The following FBLN1 variants were observed in gnomAD, a reference collection of about 807,000 sequenced individuals.
FBLN1 encodes the protein fibulin 1.
A neutral mutation model predicts 89.7 loss-of-function variants in FBLN1; 34 were observed. The observed-to-expected ratio is 0.38, with a 90% CI of 0.29 to 0.50. FBLN1 has a LOEUF of 0.50. Among genes scored for constraint, FBLN1 ranks in the 20% least tolerant of loss-of-function variants. FBLN1 has a pLI of 0.92. For missense variants in FBLN1, 777 were observed against 988.1 expected (o/e 0.79, Z 2.86); for synonymous variants, 393 against 391.3 (o/e 1.00, Z -0.05).
rs1601542294 is a variant in FBLN1, at chr22:45,588,814, A to C, written c.1973-11493A>C. Among the ~76,000 whole-genome samples the C allele has an allele frequency of 1.3e-4, 2 of 15,792 alleles. No homozygotes were observed. Among genetic ancestry groups the C allele is most frequent in the Admixed American group, 1.0e-3 (1 of 974 alleles). The allele number at this position is 15,792 out of a possible 152,430, so 10.4% of individuals were successfully genotyped here. A position where few individuals can be genotyped will look rare whatever the true frequency, so the allele number is the denominator to read the frequency against. On this transcript the variant is annotated intron_variant, in intron 16 of 16. Transcript: ENST00000327858. The surrounding 1 kb of genome is among the most constrained non-coding windows in gnomAD (Gnocchi z 5.1). Reference sequence around the variant, plus strand: ...TAGAGGCATGTTGTGCAAAATTAGCAAAAAAAAAAAAAAAGGAATGACGAT... The same window carrying C: ...TAGAGGCATGTTGTGCAAAATTAGCCAAAAAAAAAAAAAAGGAATGACGAT...
Position 45,522,776 on chromosome 22 carries a change from A to G in FBLN1, c.186-2767A>G, listed in dbSNP as rs548029822. Among the ~76,000 whole-genome samples the G allele has an allele frequency of 5.6e-4, 85 of 152,346 alleles. No homozygotes were observed. The South Asian group carries it at 0.016, about 29-fold the overall frequency. ...ATGTCCTTCAGCGTCTTTTGGAGGAATCTGGACACATCCAGTGAAACCTAA... is the reference window on the plus strand; with the variant it reads ...ATGTCCTTCAGCGTCTTTTGGAGGAGTCTGGACACATCCAGTGAAACCTAA... On this transcript the variant is annotated intron_variant, in intron 2 of 16. Transcript: ENST00000327858.
chr22:45,517,208 C>A (rs191986800), intron 1 of FBLN1: 2 of 250,086 alleles, frequency 8.0e-6, no homozygotes, highest in Non-Finnish European at 1.6e-5. Flanking sequence ...GGGATTTACC[C>A]TCTAGGGGCT....
At chr22:45,569,540 G>A (rs2088932814) in intron 14 of FBLN1, among the ~76,000 whole-genome samples, 1 of 152,162 alleles carries the variant, frequency 6.6e-6, no homozygotes, top group African/African-American at 2.4e-5. Flanking sequence ...TTGGGAGGCT[G>A]AGGCAGGAGA....
chr22:45,556,857 G>A lies in FBLN1; in HGVS notation c.1697+6242G>A, dbSNP rs1344079016. Among the ~76,000 whole-genome samples the A allele has an allele frequency of 6.6e-6, 1 of 152,148 alleles. No individual in the cohort carries two copies. Among genetic ancestry groups the A allele is most frequent in the Non-Finnish European group, 1.5e-5 (1 of 68,018 alleles). ...GCAGAACGTAATGTTGCAGGAACAG[G>A]AAGCAAAAATTTTGCTAGTGGATCA... is the stretch of plus-strand genomic sequence containing the variant. On this transcript the variant is annotated intron_variant, in intron 14 of 16. Transcript: ENST00000327858. This position sits in a 1 kb window ranked among gnomAD's most constrained non-coding sequence, Gnocchi z 4.6.
intron 2 of FBLN1, among the ~76,000 whole-genome samples, chr22:45,524,739 T>G (rs946221912): frequency 3.3e-5 from 5 of 150,290 alleles, no homozygotes; most frequent in Non-Finnish European, 7.4e-5. Context: ...GTGACAAAAC[T>G]GGGCCTCCTG....
At chr22:45,510,745 G>T (rs547294266) in intron 1 of FBLN1, among the ~76,000 whole-genome samples, 1 of 152,108 alleles carries the variant, frequency 6.6e-6, no homozygotes, top group Non-Finnish European at 1.5e-5. Flanking sequence ...CATGGTCCCC[G>T]CAGGCCATGT....
rs1311781580 is a variant in FBLN1, at chr22:45,597,363, C to G, written c.1973-2944C>G. ...CCTGCCATTCCTCCCTACAGTGATT[C>G]ACAGGCTCACCCAGCCTCTCCTTCT... On this transcript the variant is annotated intron_variant, in intron 16 of 16. Transcript: ENST00000327858. The surrounding 1 kb of genome is among the most constrained non-coding windows in gnomAD (Gnocchi z 4.2). Among the ~76,000 whole-genome samples the G allele has an allele frequency of 6.6e-6, 1 of 152,154 alleles. No individual in the cohort carries two copies. Among genetic ancestry groups the G allele is most frequent in the East Asian group, 1.9e-4 (1 of 5,198 alleles).
rs1343449741 is a variant in FBLN1, at chr22:45,562,844, C to G, written c.1698-11667C>G. 1 of 1,504,444 alleles carries G rather than the reference C, an allele frequency of 6.6e-7. No individual in the cohort carries two copies. The highest frequency in any genetic ancestry group is 2.3e-5 in the East Asian group (1 of 44,412). 93.2% of individuals were successfully genotyped at this position (1,504,444 alleles called of 1,614,324 possible). On this transcript the variant is annotated intron_variant, in intron 14 of 16. Coordinates refer to ENST00000327858, the MANE Select transcript of FBLN1 (RefSeq NM_006486.3). The surrounding 1 kb of genome is among the most constrained non-coding windows in gnomAD (Gnocchi z 7.8). Reference sequence around the variant, plus strand: ...CCTGCCAGCCCCGCATCCCCGCGCTCTGCCGTTTCTCCGCTTGCTGGACCG... The same window carrying G: ...CCTGCCAGCCCCGCATCCCCGCGCTGTGCCGTTTCTCCGCTTGCTGGACCG...
At position 45,576,862 on chromosome 22, in the gene FBLN1, TGAAAG is replaced by T. The variant is rs2089001528; in HGVS notation, c.1841-113_1841-109del. ...CTCTGGCTTCATTGATGTTGTCTCA[TGAAAG>T]GGCCCTGGGTTAGGTCTTCATTCCC... On this transcript the variant is annotated intron_variant, in intron 15 of 16. Transcript: ENST00000327858. This position sits in a 1 kb window ranked among gnomAD's most constrained non-coding sequence, Gnocchi z 5.2. The T allele has an allele frequency of 9.2e-6, 12 of 1,300,306 alleles. No homozygotes were observed. In the South Asian group the frequency reaches 1.4e-4, roughly 15 times the overall value. 80.5% of individuals were successfully genotyped at this position (1,300,306 alleles called of 1,614,324 possible). A position where few individuals can be genotyped will look rare whatever the true frequency, so the allele number is the denominator to read the frequency against.
intron 14 of FBLN1, among the ~76,000 whole-genome samples, chr22:45,555,070 G>GACCCGTCCCCGTCTCCACCGCAGGAGA (rs2088764709): frequency 6.8e-6 from 1 of 147,640 alleles, no homozygotes; most frequent in South Asian, 2.2e-4. Flanking sequence ...ACCGCAGGAG[G>GACCCGTCCCCGTCTCCACCGCAGGAGA]TTAGGACCCG....
chr22:45,526,933 C>T (rs1036573427), intron 3 of FBLN1, among the ~76,000 whole-genome samples: 1 of 152,190 alleles, frequency 6.6e-6, no homozygotes, highest in Non-Finnish European at 1.5e-5. Flanking sequence ...GGAAAAAGCA[C>T]AGAACATTCT....
rs944236028 is a variant in FBLN1 at position 45,536,875 on chromosome 22, C to T, written c.922+1538C>T. ...TAGGAGGCCTGGGCAAGACCGCTCACGCTAGAGGAGCTGTGTGGGGTGCGG... is the reference window on the plus strand; with the variant it reads ...TAGGAGGCCTGGGCAAGACCGCTCATGCTAGAGGAGCTGTGTGGGGTGCGG... On this transcript the variant is annotated intron_variant, in intron 8 of 16. Coordinates refer to ENST00000327858, the MANE Select transcript of FBLN1 (RefSeq NM_006486.3). This position sits in a 1 kb window ranked among gnomAD's most constrained non-coding sequence, Gnocchi z 5.1. Among the ~76,000 whole-genome samples, 1 of 152,226 alleles carries T rather than the reference C, an allele frequency of 6.6e-6. No homozygotes were observed. Among genetic ancestry groups the T allele is most frequent in the African/African-American group, 2.4e-5 (1 of 41,460 alleles).
chr22:45,518,522 G>A (rs963370453), intron 1 of FBLN1, 160 bp from the exon 2 acceptor site: 2 of 672,904 alleles, frequency 3.0e-6, no homozygotes, highest in South Asian at 1.6e-5. Context: ...GGGTCTGGTG[G>A]GGTTTTCAGT....
intron 8 of FBLN1, chr22:45,535,563 A>G (rs2088473767): frequency 3.7e-6 from 2 of 547,498 alleles, no homozygotes; most frequent in Non-Finnish European, 6.5e-6. Context: ...TAAAGCGGCC[A>G]AGGGCCATCT....
chr22:45,551,041 G>T (rs368839438), intron 14 of FBLN1: 3 of 291,952 alleles, frequency 1.0e-5, no homozygotes, highest in Admixed American at 9.1e-5. Context: ...TGACCTGTTG[G>T]ACGTTGTTGT....
Position 45,564,000 on chromosome 22 carries a change from A to G in FBLN1, c.1698-10511A>G, listed in dbSNP as rs747136026. 6.6e-5 allele frequency among the ~76,000 whole-genome samples: 10 copies of G among 152,126 alleles called. No homozygotes were observed. The highest frequency in any genetic ancestry group is 1.5e-4 in the Non-Finnish European group (10 of 68,002). On this transcript the variant is annotated intron_variant, in intron 14 of 16. Coordinates refer to ENST00000327858, the MANE Select transcript of FBLN1 (RefSeq NM_006486.3). This position sits in a 1 kb window ranked among gnomAD's most constrained non-coding sequence, Gnocchi z 5.7. The stretch of plus-strand genomic sequence containing the variant: ...GGGGGGAGGCAAAGGACCACACAAT[A>G]CATGTGATACTCACGGGATCCTTCA...
Position 45,578,781 on chromosome 22 carries a change from A to G in FBLN1, c.1972+1673A>G, listed in dbSNP as rs1387726150. ...TCAGGTGATTTCTAGATCTTGGAAC[A>G]TGGGAGTTTGGAATCCTAGGACCTT... On this transcript the variant is annotated intron_variant, in intron 16 of 16. Coordinates refer to ENST00000327858, the MANE Select transcript of FBLN1 (RefSeq NM_006486.3). This position sits in a 1 kb window ranked among gnomAD's most constrained non-coding sequence, Gnocchi z 4.6. Among the ~76,000 whole-genome samples, 1 of 152,180 alleles carries G rather than the reference A, an allele frequency of 6.6e-6. No homozygotes were observed. The highest frequency in any genetic ancestry group is 1.5e-5 in the Non-Finnish European group (1 of 68,030).
At chr22:45,543,324 C>G in intron 10 of FBLN1, 77 bp from the exon 11 acceptor site, 1 of 1,557,380 alleles carries the variant, frequency 6.4e-7, no homozygotes, top group African/African-American at 1.3e-5. Flanking sequence ...AGGACATGAG[C>G]TGGCCTTACT....
Position 45,529,752 on chromosome 22 carries a change from G to T in FBLN1, c.485-1513G>T, listed in dbSNP as rs187727383. Among the ~76,000 whole-genome samples the T allele has an allele frequency of 4.0e-3, 609 of 152,330 alleles. 3 individuals carry two copies. The highest frequency in any genetic ancestry group is 6.2e-3 in the Non-Finnish European group (421 of 68,030). ...GTGGTGGCGGGCGCCTGTAATCCCA[G>T]CTACTTGGGAGGCTGAGGCAGGGAG... is the stretch of plus-strand genomic sequence containing the variant. On this transcript the variant is annotated intron_variant, in intron 4 of 16. Coordinates refer to ENST00000327858, the MANE Select transcript of FBLN1 (RefSeq NM_006486.3).
Sources: gnomAD v4.1 joint callset for allele counts (sites outside exome capture counted in the v4.1 genomes callset) on GRCh38, gnomAD v4.1.1 for gene constraint, Gnocchi (gnomAD v3.1) non-coding constraint, MANE v1.5 for transcripts, NCBI Gene and HGNC (gene_info 2026-07-23, HGNC 2026-07-21) for gene names.